The following ADAMTS12 variants were observed in gnomAD, a reference collection of about 807,000 sequenced individuals.
The protein encoded by ADAMTS12 is A disintegrin and metalloproteinase with thrombospondin motifs 12.
ADAMTS12 carries 118 observed loss-of-function variants against 167.8 expected under a neutral mutation model. The ratio of observed to expected loss-of-function variants is 0.70; its 90% CI spans 0.61 to 0.82. ADAMTS12 has a LOEUF of 0.82. Among genes scored for constraint, ADAMTS12 ranks in the 40% least tolerant of loss-of-function variants. The probability of loss-of-function intolerance (pLI) is 0.00; values close to 1 mark genes in which losing one functional copy is unlikely to be tolerated. For missense variants in ADAMTS12, 1,916 were observed against 1,998.8 expected (o/e 0.96, Z 0.79); for synonymous variants, 704 against 716.9 (o/e 0.98, Z 0.29).
At chr5:33,702,099 A>T (rs1206794972) in intron 3 of ADAMTS12, among the ~76,000 whole-genome samples, 1 of 152,218 alleles carries the variant, frequency 6.6e-6, no homozygotes, top group Non-Finnish European at 1.5e-5. Context: ...AGTGTTACTA[A>T]CACAGCACTA....
intron 17 of ADAMTS12, among the ~76,000 whole-genome samples, chr5:33,590,725 CGCG>C (rs1747590428): frequency 6.6e-6 from 1 of 152,176 alleles, no homozygotes; most frequent in African/African-American, 2.4e-5. Flanking sequence ...GTAATCCTGC[CGCG>C]GCCTCGCAAA....
chr5:33,702,695 C>A (rs1393628405), intron 3 of ADAMTS12, among the ~76,000 whole-genome samples: 1 of 152,266 alleles, frequency 6.6e-6, no homozygotes, highest in Non-Finnish European at 1.5e-5. Context: ...ATCAACTGTG[C>A]ATTTTTTTTC....
chr5:33,531,375 A>G (rs1385881006), intron 23 of ADAMTS12, among the ~76,000 whole-genome samples: 1 of 152,136 alleles, frequency 6.6e-6, no homozygotes, highest in Non-Finnish European at 1.5e-5. Flanking sequence ...AGCAGAAAAA[A>G]CACAGATACA....
At chr5:33,768,415 G>A (rs560413243) in intron 2 of ADAMTS12, among the ~76,000 whole-genome samples, 44 of 152,158 alleles carry the variant, frequency 2.9e-4, no homozygotes, top group African/African-American at 1.0e-3. Context: ...TCACTATTTC[G>A]AAAGCCCTTT....
chr5:33,705,199 C>A (rs1743147653), intron 3 of ADAMTS12, among the ~76,000 whole-genome samples: 1 of 151,902 alleles, frequency 6.6e-6, no homozygotes, highest in African/African-American at 2.4e-5. Flanking sequence ...ATAATGGTCT[C>A]CAACTCCTTC....
intron 19 of ADAMTS12, among the ~76,000 whole-genome samples, chr5:33,562,672 C>A (rs762427542): frequency 6.6e-6 from 1 of 151,104 alleles, no homozygotes. Context: ...CACCCTGTAG[C>A]CCAGGCTGGA....
chr5:33,877,971 TAAG>T (rs1750291418), intron 2 of ADAMTS12, among the ~76,000 whole-genome samples: 1 of 152,124 alleles, frequency 6.6e-6, no homozygotes, highest in South Asian at 2.1e-4. Flanking sequence ...TGTTTCTTCC[TAAG>T]AAGGACTTCC....
chr5:33,683,637 T>C (rs1742214134), intron 4 of ADAMTS12, among the ~76,000 whole-genome samples: 1 of 152,168 alleles, frequency 6.6e-6, no homozygotes, highest in Non-Finnish European at 1.5e-5. Flanking sequence ...AGTATGTAAC[T>C]AATAAATTAT....
At chr5:33,532,765 C>G (rs1200405518) in intron 23 of ADAMTS12, among the ~76,000 whole-genome samples, 1 of 151,918 alleles carries the variant, frequency 6.6e-6, no homozygotes, top group Non-Finnish European at 1.5e-5. Flanking sequence ...GTAAAATGAC[C>G]TGGAGGAAAC....
intron 19 of ADAMTS12, among the ~76,000 whole-genome samples, chr5:33,572,085 C>T (rs920094918): frequency 2.1e-4 from 32 of 152,300 alleles, no homozygotes; most frequent in Non-Finnish European, 2.8e-4. Context: ...ATAACAGGAG[C>T]TGAAATTGGG....
intron 2 of ADAMTS12, among the ~76,000 whole-genome samples, chr5:33,864,667 G>C (rs1749744409): frequency 6.6e-6 from 1 of 152,084 alleles, no homozygotes; most frequent in Admixed American, 6.6e-5. Context: ...CATAAAAAAA[G>C]GATTAGTTCA....
intron 18 of ADAMTS12, 48 bp from the exon 19 acceptor site, chr5:33,577,208 T>A: frequency 6.2e-7 from 1 of 1,612,192 alleles, no homozygotes; most frequent in Non-Finnish European, 8.5e-7. Context: ...GATGCTTTTA[T>A]TCTCATGGTT....
At chr5:33,888,005 A>C (rs1381665320) in intron 1 of ADAMTS12, 1 of 152,076 alleles carries the variant, frequency 6.6e-6, no homozygotes, top group African/African-American at 2.4e-5. Context: ...TCGGCCTCCC[A>C]AAGTGCTGGG....
intron 2 of ADAMTS12, among the ~76,000 whole-genome samples, chr5:33,776,516 C>A (rs1745915181): frequency 6.6e-6 from 1 of 152,092 alleles, no homozygotes; most frequent in African/African-American, 2.4e-5. Context: ...CAAAACATAT[C>A]TCAAGACAAA....
intron 10 of ADAMTS12, 94 bp downstream of exon 10, chr5:33,643,284 T>G: frequency 7.9e-7 from 1 of 1,265,496 alleles, no homozygotes; most frequent in Non-Finnish European, 1.1e-6. Context: ...TGCTCTTCCC[T>G]TAGAGAGAGT....
At chr5:33,695,668 A>G (rs1742728373) in intron 3 of ADAMTS12, among the ~76,000 whole-genome samples, 1 of 152,200 alleles carries the variant, frequency 6.6e-6, no homozygotes, top group East Asian at 1.9e-4. Context: ...CAGAAAGTAG[A>G]ATGCTGGTTG....
At chr5:33,736,221 C>A (rs1275366642) in intron 3 of ADAMTS12, among the ~76,000 whole-genome samples, 1 of 151,980 alleles carries the variant, frequency 6.6e-6, no homozygotes, top group African/African-American at 2.4e-5. Context: ...TACCACCATG[C>A]CTGGCTAATT....
intron 3 of ADAMTS12, among the ~76,000 whole-genome samples, chr5:33,737,963 C>T (rs1484475062): frequency 6.6e-6 from 1 of 152,166 alleles, no homozygotes; most frequent in East Asian, 1.9e-4. Context: ...GGAAAGTAGT[C>T]ATTTGCCCAA....
At chr5:33,758,845 ACTCT>A (rs1205614139) in intron 2 of ADAMTS12, among the ~76,000 whole-genome samples, 3 of 151,786 alleles carry the variant, frequency 2.0e-5, no homozygotes, top group Non-Finnish European at 4.4e-5. Flanking sequence ...GTCAGTTCCA[ACTCT>A]CTCTCTCCTC....
Sources: gnomAD v4.1 joint callset for allele counts (sites outside exome capture counted in the v4.1 genomes callset) on GRCh38, gnomAD v4.1.1 for gene constraint, MANE v1.5 for transcripts, NCBI Gene and HGNC (gene_info 2026-07-23, HGNC 2026-07-21) for gene names.